The following LRRC9 variants were observed in gnomAD, a reference collection of about 807,000 sequenced individuals.
LRRC9 encodes leucine-rich repeat-containing protein 9.
LRRC9 carries 122 observed loss-of-function variants against 63.2 expected under a neutral mutation model. The observed-to-expected ratio is 1.93, with a 90% CI of 1.67 to 2.24. The LOEUF (loss-of-function observed/expected upper bound fraction) is 2.24. LRRC9 is among the 30% of genes most tolerant of loss of function. LRRC9 has a pLI of 0.00. For synonymous variants in LRRC9, 366 were observed against 213.1 expected, an observed-to-expected ratio of 1.72 and a Z score of -6.25; for missense variants, 1,071 against 627.7, an observed-to-expected ratio of 1.71 and a Z score of -7.55.
At chr14:60,063,545 C>A in exon 32 of LRRC9, 1 of 483,282 alleles carries the variant, frequency 2.1e-6, no homozygotes, top group Non-Finnish European at 3.7e-6. Flanking sequence ...TTAATATCAC[C>A]TCTCTTAAAC....
At chr14:59,931,569 A>G (rs1889703779) in intron 4 of LRRC9, 50 bp from the exon 5 acceptor site, 1 of 679,882 alleles carries the variant, frequency 1.5e-6, no homozygotes, top group African/African-American at 1.8e-5. Flanking sequence ...TGATTTGTAA[A>G]TGTTAATTTT....
At chr14:60,008,961 A>T (rs1052962794) in intron 23 of LRRC9, among the ~76,000 whole-genome samples, 5 of 152,012 alleles carry the variant, frequency 3.3e-5, no homozygotes, top group Non-Finnish European at 2.9e-5. Context: ...AAACTTTCTC[A>T]CTCCAACACA....
chr14:59,972,424 T>C (rs1036116371), intron 12 of LRRC9, among the ~76,000 whole-genome samples: 27 of 152,116 alleles, frequency 1.8e-4, no homozygotes. Context: ...GACTATGAAA[T>C]TGGAACTCTA....
chr14:60,015,192 C>G (rs555980338), intron 23 of LRRC9, among the ~76,000 whole-genome samples: 1 of 151,782 alleles, frequency 6.6e-6, no homozygotes, highest in African/African-American at 2.4e-5. Flanking sequence ...CTGTTTTTTT[C>G]ATTTGTTTCA....
chr14:60,055,744 A>G (rs202137910), intron 30 of LRRC9, among the ~76,000 whole-genome samples: 1 of 148,654 alleles, frequency 6.7e-6, no homozygotes, highest in Non-Finnish European at 1.5e-5. Flanking sequence ...AAAAAAAAAA[A>G]AACAAAAAAA....
At chr14:59,945,352 T>A (rs1882253406) in intron 8 of LRRC9, among the ~76,000 whole-genome samples, 1 of 152,000 alleles carries the variant, frequency 6.6e-6, no homozygotes, top group Non-Finnish European at 1.5e-5. Flanking sequence ...TTTTTCAGTA[T>A]GAGGAAATAA....
intron 7 of LRRC9, 23 bp from the exon 8 acceptor site, chr14:59,944,563 TTTG>T (rs1217955535): frequency 3.7e-6 from 2 of 544,610 alleles, no homozygotes; most frequent in Non-Finnish European, 6.4e-6. Context: ...TAGCTAATTT[TTTG>T]TTGTTTTCTT....
intron 6 of LRRC9, among the ~76,000 whole-genome samples, chr14:59,937,419 C>T (rs2139816861): frequency 6.6e-6 from 1 of 152,196 alleles, no homozygotes; most frequent in South Asian, 2.1e-4. Context: ...AAACTAAGCT[C>T]AGTGGCTAAA....
rs968643538 is a variant in LRRC9, at chr14:60,051,889, G to C, written c.3991-1176G>C. On this transcript the variant is annotated intron_variant, in intron 29 of 31. Coordinates refer to ENST00000445360, the Ensembl canonical transcript of LRRC9. The surrounding 1 kb of genome is among the most constrained non-coding windows in gnomAD (Gnocchi z 4.7). ...GGGAGAAGCGTGGTTTCCTGGGCAC[G>C]ATAGCACACTCACCGCTTCCCTTGG... Among the ~76,000 whole-genome samples, 1 of 152,120 alleles carries C rather than the reference G, an allele frequency of 6.6e-6. No individual in the cohort carries two copies. The highest frequency in any genetic ancestry group is 1.5e-5 in the Non-Finnish European group (1 of 68,028).
intron 27 of LRRC9, among the ~76,000 whole-genome samples, chr14:60,024,938 G>A (rs894260203): frequency 7.9e-5 from 12 of 151,896 alleles, no homozygotes; most frequent in Admixed American, 7.9e-4. Context: ...CTGTTTCTGA[G>A]TTAGCTCACT....
At chr14:59,971,399 G>C (rs1042637695) in intron 12 of LRRC9, among the ~76,000 whole-genome samples, 2 of 152,006 alleles carry the variant, frequency 1.3e-5, no homozygotes, top group African/African-American at 4.8e-5. Flanking sequence ...CATAGGATTG[G>C]CTTGGCTATT....
rs1005259198 is a variant in LRRC9, at chr14:59,927,538, T to A, written c.-33-373T>A. ...TGTAATACAAAGGACAACTAGAGCCTGTTCAAAGGAGAGAAACATGAGTAT... is the reference window on the plus strand; with the variant it reads ...TGTAATACAAAGGACAACTAGAGCCAGTTCAAAGGAGAGAAACATGAGTAT... On this transcript the variant is annotated intron_variant, in intron 1 of 31. Transcript: ENST00000445360. This position sits in a 1 kb window ranked among gnomAD's most constrained non-coding sequence, Gnocchi z 4.4. 1.3e-5 allele frequency among the ~76,000 whole-genome samples: 2 copies of A among 152,036 alleles called. No individual in the cohort carries two copies. The highest frequency in any genetic ancestry group is 3.9e-4 in the East Asian group (2 of 5,192).
At position 59,923,353 on chromosome 14, in the gene LRRC9, G is replaced by C. The variant is rs532989251; in HGVS notation, c.-34+3470G>C. On this transcript the variant is annotated intron_variant, in intron 1 of 31. Coordinates refer to ENST00000445360, the Ensembl canonical transcript of LRRC9. The surrounding 1 kb of genome is among the most constrained non-coding windows in gnomAD (Gnocchi z 4.2). ...AAGAGAAAATAAGTTGAAGTGAGAG[G>C]TAAGATTTGTATCCCAAATAGGCAT... is the stretch of plus-strand genomic sequence containing the variant. Among the ~76,000 whole-genome samples the C allele has an allele frequency of 1.1e-4, 16 of 152,284 alleles. No homozygotes were observed. The South Asian group carries it at 2.7e-3, about 26-fold the overall frequency.
In LRRC9 at chr14:59,938,452, T is replaced by C. The variant is rs1452656387; in HGVS notation, c.606T>C (p.Tyr202=). ...ATTTATGTCTGAATGACCCTCAATA[T>C]ACAACCAATCCAGTTTGTCTTCTGT... Residue 202 remains tyrosine, a synonymous_variant, in exon 7 of 32, where the codon TAT becomes TAC. Coordinates refer to ENST00000445360, the Ensembl canonical transcript of LRRC9. This position sits in a 1 kb window ranked among gnomAD's most constrained non-coding sequence, Gnocchi z 4.2. 1.4e-6 allele frequency: 1 copy of C among 698,774 alleles called. No individual in the cohort carries two copies. The highest frequency in any genetic ancestry group is 1.5e-5 in the South Asian group (1 of 67,190). 43.3% of individuals were successfully genotyped at this position (698,774 alleles called of 1,614,324 possible).
chr14:60,053,381 G>GCGCACACACA lies in LRRC9; in HGVS notation c.4131+177_4131+178insGCACACACAC, dbSNP rs1167051629. On this transcript the variant is annotated intron_variant, in intron 30 of 31. Coordinates refer to ENST00000445360, the Ensembl canonical transcript of LRRC9. The surrounding 1 kb of genome is among the most constrained non-coding windows in gnomAD (Gnocchi z 4.8). ...TGGATTTGGTGAATAGAGCATGCGT[G>GCGCACACACA]CTCACACACACACACACACACACAC... Among the ~76,000 whole-genome samples, 1 of 73,206 alleles carries GCGCACACACA rather than the reference G, an allele frequency of 1.4e-5. No individual in the cohort carries two copies. 48.0% of individuals were successfully genotyped at this position (73,206 alleles called of 152,430 possible).
intron 17 of LRRC9, among the ~76,000 whole-genome samples, chr14:59,996,560 A>G (rs1379703436): frequency 6.6e-6 from 1 of 152,206 alleles, no homozygotes; most frequent in Non-Finnish European, 1.5e-5. Flanking sequence ...TGAATAGATA[A>G]ATAGCCAAAG....
At position 60,058,981 on chromosome 14, in the gene LRRC9, C is replaced by A. The variant is rs1555389915; in HGVS notation, c.4276+959C>A. ...GTCTACAACTGTCAGTAAAATTGGG[C>A]ATACCAAATTGTTATTACCTCCTTA... On this transcript the variant is annotated intron_variant, in intron 31 of 31. Transcript: ENST00000445360. The surrounding 1 kb of genome is among the most constrained non-coding windows in gnomAD (Gnocchi z 4.4). The A allele has an allele frequency of 6.6e-6, 1 of 152,090 alleles. No individual in the cohort carries two copies. Among genetic ancestry groups the A allele is most frequent in the Non-Finnish European group, 1.5e-5 (1 of 68,000 alleles). 9.4% of individuals were successfully genotyped at this position (152,090 alleles called of 1,614,324 possible).
intron 30 of LRRC9, among the ~76,000 whole-genome samples, chr14:60,056,984 G>C (rs1358074814): frequency 2.0e-5 from 3 of 152,108 alleles, no homozygotes; most frequent in Non-Finnish European, 4.4e-5. Context: ...ATTAGTGATG[G>C]GAAGAAACTC....
rs1889274912 is a variant in LRRC9 at position 59,927,108 on chromosome 14, T to A, written c.-33-803T>A. Among the ~76,000 whole-genome samples, 1 of 152,104 alleles carries A rather than the reference T, an allele frequency of 6.6e-6. No homozygotes were observed. Among genetic ancestry groups the A allele is most frequent in the Non-Finnish European group, 1.5e-5 (1 of 67,960 alleles). ...ACAACTTAGTATATATCTTTCCATATTTTCTCCTGACAATAATTATACATA... is the reference window on the plus strand; with the variant it reads ...ACAACTTAGTATATATCTTTCCATAATTTCTCCTGACAATAATTATACATA... On this transcript the variant is annotated intron_variant, in intron 1 of 31. Coordinates refer to ENST00000445360, the Ensembl canonical transcript of LRRC9. This position sits in a 1 kb window ranked among gnomAD's most constrained non-coding sequence, Gnocchi z 4.4.
Sources: allele counts gnomAD v4.1 joint callset (sites outside exome capture counted in the v4.1 genomes callset), GRCh38; gene constraint gnomAD v4.1.1; non-coding constraint Gnocchi (gnomAD v3.1); transcripts MANE v1.5; gene names NCBI Gene and HGNC (gene_info 2026-07-23, HGNC 2026-07-21).